The following SLC22A3 variants were observed in gnomAD, a reference collection of about 807,000 sequenced individuals.
SLC22A3 encodes solute carrier family 22 member 3, also known as EMT organic cation transporter 3.
A neutral mutation model predicts 59.1 loss-of-function variants in SLC22A3; 51 were observed. The observed-to-expected ratio is 0.86, with a 90% CI of 0.69 to 1.09. SLC22A3 has a LOEUF of 1.09. SLC22A3 is among the 50% of genes least tolerant of loss of function. SLC22A3 has a pLI of 0.00. For synonymous variants in SLC22A3, 325 were observed against 292.0 expected, an observed-to-expected ratio of 1.11 and a Z score of -1.15; for missense variants, 711 against 726.3, an observed-to-expected ratio of 0.98 and a Z score of 0.24.
Position 160,410,807 on chromosome 6 carries a change from T to A in SLC22A3, c.936T>A (p.Ala312=). 6.2e-7 allele frequency: 1 copy of A among 1,611,844 alleles called. No individual in the cohort carries two copies. Among genetic ancestry groups the A allele is most frequent in the Non-Finnish European group, 8.5e-7 (1 of 1,178,176 alleles). Residue 312 remains alanine, a synonymous_variant, in exon 5 of 11, where the codon GCT becomes GCA. Coordinates refer to ENST00000275300, the MANE Select transcript of SLC22A3 (RefSeq NM_021977.4). Reference sequence around the variant, plus strand: ...CATTACAGATCCTGAGACGCATTGCTAAGTGCAATGGGAAATACCTCTCAT... The same window carrying A: ...CATTACAGATCCTGAGACGCATTGCAAAGTGCAATGGGAAATACCTCTCAT... ...DKALQILRRI[A]KCNGKYLSSN... is the part of the protein sequence containing the mutation.
At chr6:160,363,360 C>T (rs2114756901) in intron 1 of SLC22A3, among the ~76,000 whole-genome samples, 1 of 152,332 alleles carries the variant, frequency 6.6e-6, no homozygotes, top group Non-Finnish European at 1.5e-5. Flanking sequence ...GACCGGCACG[C>T]CTGTGAGGCA....
chr6:160,443,800 G>A, intron 9 of SLC22A3, 58 bp downstream of exon 9: 2 of 939,930 alleles, frequency 2.1e-6, no homozygotes, highest in Non-Finnish European at 3.2e-6. Flanking sequence ...TACTAAAAGA[G>A]ACCTATAATA....
At chr6:160,356,164 A>C (rs560027283) in intron 1 of SLC22A3, among the ~76,000 whole-genome samples, 2 of 151,868 alleles carry the variant, frequency 1.3e-5, no homozygotes, top group African/African-American at 2.4e-5. Flanking sequence ...CTTCCTGTTG[A>C]CTCCTAACGC....
At chr6:160,435,505 T>C (rs1396093943) in intron 5 of SLC22A3, among the ~76,000 whole-genome samples, 1 of 152,262 alleles carries the variant, frequency 6.6e-6, no homozygotes, top group South Asian at 2.1e-4. Flanking sequence ...CAGTCTACTT[T>C]TGTGTGTGTG....
chr6:160,399,407 T>C lies in SLC22A3; in HGVS notation c.533+1325T>C, dbSNP rs377113. Among the ~76,000 whole-genome samples the C allele has an allele frequency of 2.6e-3, 391 of 152,254 alleles. 10 individuals carry two copies. In the East Asian group the frequency reaches 0.062, roughly 24 times the overall value. ...AATTTGGATATTAGGTTTTGCTTCATCTGTGTTTTTTTTCTCTTACTCAGT... is the reference window on the plus strand; with the variant it reads ...AATTTGGATATTAGGTTTTGCTTCACCTGTGTTTTTTTTCTCTTACTCAGT... On this transcript the variant is annotated intron_variant, in intron 2 of 10. Transcript: ENST00000275300.
chr6:160,444,697 C>T (rs951183731), intron 9 of SLC22A3, among the ~76,000 whole-genome samples: 8 of 152,206 alleles, frequency 5.3e-5, no homozygotes, highest in African/African-American at 1.4e-4. Flanking sequence ...GTAAAGGATA[C>T]GGGTTGGCCC....
intron 2 of SLC22A3, among the ~76,000 whole-genome samples, chr6:160,398,694 A>C (rs2114834903): frequency 6.6e-6 from 1 of 152,330 alleles, no homozygotes; most frequent in East Asian, 1.9e-4. Flanking sequence ...CCTTAAGATT[A>C]TTGATGCTAG....
rs969105323 is a variant in SLC22A3, at chr6:160,369,144, A to G, written c.429+20296A>G. Among the ~76,000 whole-genome samples, 4 of 152,356 alleles carry G rather than the reference A, an allele frequency of 2.6e-5. No individual in the cohort carries two copies. In the East Asian group the frequency reaches 5.8e-4, roughly 22 times the overall value. The stretch of plus-strand genomic sequence containing the variant: ...ATACTTTCAGGGGATTTTCATATCA[A>G]TGATTGCATTTTGCCATTGTTCTTT... On this transcript the variant is annotated intron_variant, in intron 1 of 10. Coordinates refer to ENST00000275300, the MANE Select transcript of SLC22A3 (RefSeq NM_021977.4).
intron 5 of SLC22A3, among the ~76,000 whole-genome samples, chr6:160,426,674 C>T (rs1015165450): frequency 5.3e-5 from 8 of 152,148 alleles, no homozygotes; most frequent in Admixed American, 3.3e-4. Flanking sequence ...TTCCAACTGT[C>T]GTGTGATTTT....
intron 1 of SLC22A3, among the ~76,000 whole-genome samples, chr6:160,396,299 TAA>T (rs1786467805): frequency 6.6e-6 from 1 of 152,238 alleles, no homozygotes; most frequent in African/African-American, 2.4e-5. Context: ...AGACTAATTA[TAA>T]GTAAATGTAA....
intron 1 of SLC22A3, among the ~76,000 whole-genome samples, chr6:160,395,887 A>G (rs1009792330): frequency 3.9e-5 from 6 of 152,104 alleles, no homozygotes; most frequent in Admixed American, 1.3e-4. Flanking sequence ...TATTTATGAG[A>G]CTCCTCAAAA....
At chr6:160,350,159 C>T (rs1784612962) in intron 1 of SLC22A3, among the ~76,000 whole-genome samples, 1 of 151,764 alleles carries the variant, frequency 6.6e-6, no homozygotes. Flanking sequence ...TCTGTAACGC[C>T]GTGTGCTGCT....
At chr6:160,407,720 T>A (rs577688846) in intron 3 of SLC22A3, among the ~76,000 whole-genome samples, 1 of 152,252 alleles carries the variant, frequency 6.6e-6, no homozygotes, top group South Asian at 2.1e-4. Context: ...AAGTTTGACC[T>A]TCTGGTGATG....
In SLC22A3 at chr6:160,447,710, A is replaced by C. The variant is rs745348775; in HGVS notation, c.1511-9A>C. 1 of 1,612,930 alleles carries C rather than the reference A, an allele frequency of 6.2e-7. No homozygotes were observed. The highest frequency in any genetic ancestry group is 2.2e-5 in the East Asian group (1 of 44,850). ...CCTGGAGCGGTAACACCTTTCCCCT[A>C]TTCCATAGGTATCCTGGCATCCATC... On this transcript the variant is annotated splice_polypyrimidine_tract_variant and intron_variant, in intron 9 of 10. Coordinates refer to ENST00000275300, the MANE Select transcript of SLC22A3 (RefSeq NM_021977.4).
rs190632535 is a variant in SLC22A3, at chr6:160,407,885, A to G, written c.688+690A>G. On this transcript the variant is annotated intron_variant, in intron 3 of 10. Transcript: ENST00000275300. The stretch of plus-strand genomic sequence containing the variant: ...AAAATGTGAATTCTCATCTTAGATT[A>G]TTGCTGCAGATCTTTGCACTTCCAC... Among the ~76,000 whole-genome samples, 267 of 152,258 alleles carry G rather than the reference A, an allele frequency of 1.8e-3. 1 individual carries two copies. The highest frequency in any genetic ancestry group is 2.3e-3 in the Non-Finnish European group (155 of 68,010).
chr6:160,396,052 A>G (rs1273742235), intron 1 of SLC22A3, among the ~76,000 whole-genome samples: 2 of 152,208 alleles, frequency 1.3e-5, no homozygotes, highest in Non-Finnish European at 2.9e-5. Flanking sequence ...GCCAGTTTTC[A>G]GATCCTCAAC....
intron 1 of SLC22A3, among the ~76,000 whole-genome samples, chr6:160,349,925 G>A (rs942549792): frequency 2.6e-5 from 4 of 152,110 alleles, no homozygotes; most frequent in Non-Finnish European, 4.4e-5. Context: ...TTGAAGAGTG[G>A]GGAAAACACT....
chr6:160,420,999 G>T (rs922333330), intron 5 of SLC22A3, among the ~76,000 whole-genome samples: 1 of 152,138 alleles, frequency 6.6e-6, no homozygotes, highest in Non-Finnish European at 1.5e-5. Flanking sequence ...TTCTTCATCT[G>T]GTCCTGAGTC....
At position 160,452,276 on chromosome 6, in the gene SLC22A3, T is replaced by A. The variant is rs942785699; in HGVS notation, c.*1220T>A. ...GCAAAATTGGTACCAAAGGGAAACA[T>A]TAACCATGAGGAAGAGCATTTTTCT... On this transcript the variant is annotated 3_prime_UTR_variant, in exon 11 of 11. Transcript: ENST00000275300. 7 of 152,204 alleles carry A rather than the reference T, an allele frequency of 4.6e-5. No individual in the cohort carries two copies. The highest frequency in any genetic ancestry group is 1.7e-4 in the African/African-American group (7 of 41,456). 9.4% of individuals were successfully genotyped at this position (152,204 alleles called of 1,614,324 possible).
Sources: allele counts gnomAD v4.1 joint callset (sites outside exome capture counted in the v4.1 genomes callset), GRCh38; gene constraint gnomAD v4.1.1; transcripts MANE v1.5; gene names NCBI Gene and HGNC (gene_info 2026-07-23, HGNC 2026-07-21).